SNX29: variants seen among roughly 807,000 people sequenced by gnomAD.
SNX29 encodes sorting nexin-29.
SNX29 carries 78 observed loss-of-function variants against 102.1 expected under a neutral mutation model. The observed-to-expected ratio is 0.76, with a 90% CI of 0.64 to 0.92. SNX29 has a LOEUF of 0.92. SNX29 is among the 40% of genes least tolerant of loss of function. The probability of loss-of-function intolerance (pLI) is 0.00; values close to 1 mark genes in which losing one functional copy is unlikely to be tolerated. For synonymous variants in SNX29, 580 were observed against 414.5 expected (o/e 1.40, Z -4.85); for missense variants, 1,280 against 1,061.7 (o/e 1.21, Z -2.86).
intron 20 of SNX29, among the ~76,000 whole-genome samples, chr16:12,565,363 C>T (rs1159528975): frequency 1.3e-5 from 2 of 152,188 alleles, no homozygotes; most frequent in Non-Finnish European, 2.9e-5. Context: ...TCACTGAAGC[C>T]CCTGGTCTAG....
intron 14 of SNX29, among the ~76,000 whole-genome samples, chr16:12,256,049 A>G (rs964530485): frequency 2.6e-5 from 4 of 151,966 alleles, no homozygotes; most frequent in African/African-American, 7.3e-5. Context: ...TCTTTCTTCT[A>G]TTTTATAACA....
chr16:12,562,065 C>T (rs1483046767), intron 20 of SNX29, among the ~76,000 whole-genome samples: 3 of 149,132 alleles, frequency 2.0e-5, no homozygotes, highest in Non-Finnish European at 4.5e-5. Context: ...GTTTTCCTTC[C>T]CGTGTTTTCT....
chr16:12,183,568 C>G (rs1372110280), intron 13 of SNX29, among the ~76,000 whole-genome samples: 6 of 152,186 alleles, frequency 3.9e-5, no homozygotes, highest in African/African-American at 1.4e-4. Context: ...ATTCTTTTTC[C>G]CTGAACTCTT....
chr16:11,976,932 G>C (rs1275237126), intron 1 of SNX29, 119 bp downstream of exon 1: 1 of 1,231,060 alleles, frequency 8.1e-7, no homozygotes, highest in Non-Finnish European at 1.0e-6. Flanking sequence ...CCTCCCAGTC[G>C]CTCCCTTTTC....
At chr16:11,987,914 C>T (rs914726138) in intron 1 of SNX29, among the ~76,000 whole-genome samples, 4 of 152,174 alleles carry the variant, frequency 2.6e-5, no homozygotes, top group Non-Finnish European at 4.4e-5. Context: ...CATCGCTTTT[C>T]AGAACTTACT....
At position 12,078,332 on chromosome 16, in the gene SNX29, G is replaced by A. The variant is rs118041756; in HGVS notation, c.1320-501G>A. ...TCTAGTAAAAATACAAGAATTAGTC[G>A]GGTGTGGTGGTGCGGGCCTGTAATC... is the stretch of plus-strand genomic sequence containing the variant. On this transcript the variant is annotated intron_variant, in intron 10 of 20. Transcript: ENST00000566228. 7.1e-3 allele frequency among the ~76,000 whole-genome samples: 1,078 copies of A among 152,134 alleles called. 10 individuals carry two copies. The highest frequency in any genetic ancestry group is 0.052 in the South Asian group (252 of 4,810).
intron 20 of SNX29, chr16:12,526,773 G>C (rs933232400): frequency 4.7e-6 from 2 of 428,124 alleles, no homozygotes; most frequent in African/African-American, 2.0e-5. Flanking sequence ...CCGCAAGTCA[G>C]TGTCCCCCAC....
chr16:12,370,688 T>C (rs1217614881), intron 16 of SNX29, among the ~76,000 whole-genome samples: 1 of 152,202 alleles, frequency 6.6e-6, no homozygotes. Flanking sequence ...CTTCCCCATC[T>C]CCCTGAAATG....
intron 14 of SNX29, among the ~76,000 whole-genome samples, chr16:12,241,331 G>T (rs200531202): frequency 6.6e-6 from 1 of 152,166 alleles, no homozygotes; most frequent in Non-Finnish European, 1.5e-5. Flanking sequence ...ACTGTTTTAC[G>T]TTAAAAGGGG....
At chr16:12,036,259 G>A (rs1179619116) in intron 4 of SNX29, among the ~76,000 whole-genome samples, 3 of 149,928 alleles carry the variant, frequency 2.0e-5, no homozygotes, top group African/African-American at 7.4e-5. Context: ...TGGGTTTTCT[G>A]TTTCCTTTTT....
chr16:12,310,874 G>GA (rs1480365005), intron 15 of SNX29, among the ~76,000 whole-genome samples: 2 of 152,124 alleles, frequency 1.3e-5, no homozygotes, highest in African/African-American at 4.8e-5. Context: ...CCTGCTGCAG[G>GA]AAAAAACGTC....
At chr16:12,491,688 C>A (rs1298900026) in intron 19 of SNX29, among the ~76,000 whole-genome samples, 1 of 151,410 alleles carries the variant, frequency 6.6e-6, no homozygotes, top group Non-Finnish European at 1.5e-5. Flanking sequence ...CTTCCCCCAA[C>A]CCCACAACAG....
chr16:12,194,853 C>G (rs1427388945), intron 13 of SNX29, among the ~76,000 whole-genome samples: 1 of 152,136 alleles, frequency 6.6e-6, no homozygotes, highest in East Asian at 1.9e-4. Context: ...TCTCGAACTC[C>G]CGACCTCAGA....
intron 14 of SNX29, among the ~76,000 whole-genome samples, chr16:12,209,871 C>T (rs1382490851): frequency 6.6e-6 from 1 of 152,196 alleles, no homozygotes; most frequent in Non-Finnish European, 1.5e-5. Flanking sequence ...TGAAGACTCG[C>T]TTCATAAGAG....
chr16:12,298,635 C>G (rs566864241), intron 15 of SNX29, among the ~76,000 whole-genome samples: 1 of 152,222 alleles, frequency 6.6e-6, no homozygotes, highest in East Asian at 1.9e-4. Flanking sequence ...TTTAGATTTT[C>G]CTGCCAATGA....
At position 12,057,216 on chromosome 16, in the gene SNX29, G is replaced by T. The variant is rs543297966; in HGVS notation, c.1125-4312G>T. Among the ~76,000 whole-genome samples the T allele has an allele frequency of 9.8e-5, 15 of 152,288 alleles. No individual in the cohort carries two copies. The East Asian group carries it at 2.9e-3, about 29-fold the overall frequency. ...GGACTACAAACATATGCTGTGTCTCGCTATTCTGCATCTCACTAGCAGTTA... is the reference window on the plus strand; with the variant it reads ...GGACTACAAACATATGCTGTGTCTCTCTATTCTGCATCTCACTAGCAGTTA... On this transcript the variant is annotated intron_variant, in intron 8 of 20. Transcript: ENST00000566228.
chr16:12,195,163 G>A (rs1414969085), intron 13 of SNX29, among the ~76,000 whole-genome samples: 1 of 151,916 alleles, frequency 6.6e-6, no homozygotes. Context: ...GAGTATATAT[G>A]TGTGTGTGTG....
At chr16:12,362,476 G>A (rs760318094) in intron 16 of SNX29, among the ~76,000 whole-genome samples, 1 of 150,134 alleles carries the variant, frequency 6.7e-6, no homozygotes, top group African/African-American at 2.5e-5. Flanking sequence ...CCAACAACGC[G>A]TTGGGCATCC....
chr16:12,546,109 C>G (rs992968751), intron 20 of SNX29, among the ~76,000 whole-genome samples: 22 of 152,270 alleles, frequency 1.4e-4, no homozygotes, highest in Non-Finnish European at 7.4e-5. Flanking sequence ...TGACTTTGGA[C>G]AATGTATTCT....
Sources: gnomAD v4.1 joint callset for allele counts (sites outside exome capture counted in the v4.1 genomes callset) on GRCh38, gnomAD v4.1.1 for gene constraint, MANE v1.5 for transcripts, NCBI Gene and HGNC (gene_info 2026-07-23, HGNC 2026-07-21) for gene names.